Variants in DISP1 observed in about 807,000 individuals in gnomAD.
The protein encoded by DISP1 is dispatched RND transporter family member 1.
DISP1 carries 30 observed loss-of-function variants against 37.3 expected under a neutral mutation model. The observed-to-expected ratio is 0.80, with a 90% CI of 0.60 to 1.09. DISP1 has a LOEUF of 1.09. DISP1 is among the 50% of genes least tolerant of loss of function. The probability of loss-of-function intolerance (pLI) is 0.00; values close to 1 mark genes in which losing one functional copy is unlikely to be tolerated. For missense variants in DISP1, 1,598 were observed against 1,879.5 expected (o/e 0.85, Z 2.77); for synonymous variants, 634 against 690.2 (o/e 0.92, Z 1.28).
intron 8 of DISP1, 69 bp downstream of exon 8, chr1:222,995,051 C>T: frequency 7.9e-7 from 1 of 1,268,704 alleles, no homozygotes; most frequent in Non-Finnish European, 1.1e-6. Context: ...CCTTTTACTG[C>T]TGACCCTGGT....
intron 2 of DISP1, among the ~76,000 whole-genome samples, chr1:222,933,904 A>G (rs1673554729): frequency 6.6e-6 from 1 of 152,030 alleles, no homozygotes; most frequent in Admixed American, 6.6e-5. Flanking sequence ...TCACAATTAC[A>G]TTATTCTTAA....
intron 3 of DISP1, among the ~76,000 whole-genome samples, chr1:222,974,141 T>C (rs1332014106): frequency 1.3e-5 from 2 of 152,228 alleles, no homozygotes; most frequent in African/African-American, 4.8e-5. Flanking sequence ...TTTGCATTAC[T>C]CCTAACTGAT....
intron 1 of DISP1, among the ~76,000 whole-genome samples, chr1:222,869,814 G>C (rs1305814375): frequency 6.6e-6 from 1 of 151,818 alleles, no homozygotes; most frequent in Non-Finnish European, 1.5e-5. Context: ...TATACTTTAA[G>C]TTTTAGGGTA....
chr1:222,994,687 G>A (rs564454589), intron 7 of DISP1, among the ~76,000 whole-genome samples, 198 bp from the exon 8 acceptor site: 7 of 151,808 alleles, frequency 4.6e-5, no homozygotes, highest in South Asian at 2.1e-4. Context: ...AAGGCTTTGC[G>A]CTAAGACAAT....
chr1:222,821,965 G>A (rs1437865186), intron 1 of DISP1, among the ~76,000 whole-genome samples: 1 of 151,314 alleles, frequency 6.6e-6, no homozygotes, highest in Non-Finnish European at 1.5e-5. Flanking sequence ...AACATGCCTT[G>A]GTTCCCCTTC....
chr1:222,957,246 G>T (rs2102571537), intron 3 of DISP1, among the ~76,000 whole-genome samples: 1 of 150,700 alleles, frequency 6.6e-6, no homozygotes, highest in African/African-American at 2.4e-5. Flanking sequence ...CTTTAATACT[G>T]CTCTTTTCTT....
chr1:222,863,085 A>C (rs1668976407), intron 1 of DISP1, among the ~76,000 whole-genome samples: 1 of 152,220 alleles, frequency 6.6e-6, no homozygotes, highest in Non-Finnish European at 1.5e-5. Context: ...AAACCACAGA[A>C]GAGATGCTGT....
chr1:222,834,771 T>C (rs17535004), intron 1 of DISP1, among the ~76,000 whole-genome samples: 16,510 of 152,234 alleles, frequency 0.11, 1,263 homozygotes, highest in South Asian at 0.16. Context: ...ATTATTTGAC[T>C]CATCCAGGCT....
intron 3 of DISP1, among the ~76,000 whole-genome samples, chr1:222,978,564 C>A (rs2102679936): frequency 6.6e-6 from 1 of 152,260 alleles, no homozygotes; most frequent in South Asian, 2.1e-4. Context: ...GTTGCCATTG[C>A]TTTTGGTGTT....
At position 222,990,749 on chromosome 1, in the gene DISP1, G is replaced by A; in HGVS notation, c.663+1G>A. ...CCCTGACTTCTCTGATCCATTGCTG[G>A]TAACTAACTTTTATGTTTTCTTTAG... On this transcript the variant is annotated splice_donor_variant, in intron 5 of 8. Transcript: ENST00000675850. LOFTEE classifies it high-confidence loss of function. 1.2e-6 allele frequency: 2 copies of A among 1,613,906 alleles called. No individual in the cohort carries two copies. Among genetic ancestry groups the A allele is most frequent in the Non-Finnish European group, 8.5e-7 (1 of 1,179,904 alleles).
intron 1 of DISP1, among the ~76,000 whole-genome samples, chr1:222,858,595 A>G (rs1202648911): frequency 2.0e-5 from 3 of 152,236 alleles, no homozygotes; most frequent in Admixed American, 2.0e-4. Context: ...ATAAAGGTCT[A>G]ATATCCAGAA....
Position 222,943,253 on chromosome 1 carries a change from T to G in DISP1, c.430T>G (p.Ser144Ala). 1 of 1,613,910 alleles carries G rather than the reference T, an allele frequency of 6.2e-7. No individual in the cohort carries two copies. Among genetic ancestry groups the G allele is most frequent in the Non-Finnish European group, 8.5e-7 (1 of 1,179,852 alleles). Residue 144 changes from serine (S) to alanine (A), a missense_variant, in exon 3 of 9, where the codon TCT becomes GCT. Physicochemically the swap from Ser to Ala is moderately conservative, Grantham distance 99. Transcript: ENST00000675850. Reference sequence around the variant, plus strand: ...TCAGACTACGTGCTGTCTTCAGCCCTCTCCATCCTTCTGCCTGCATCATCC... The same window carrying G: ...TCAGACTACGTGCTGTCTTCAGCCCGCTCCATCCTTCTGCCTGCATCATCC... ...VYQTTCCLQPSPSFCLHHPWP... is the reference protein window; with the variant it reads ...VYQTTCCLQPAPSFCLHHPWP...
intron 1 of DISP1, among the ~76,000 whole-genome samples, chr1:222,853,660 G>A (rs1668394021): frequency 6.6e-6 from 1 of 152,050 alleles, no homozygotes; most frequent in South Asian, 2.1e-4. Flanking sequence ...AACACTGCAT[G>A]TTCTCACTCA....
intron 3 of DISP1, among the ~76,000 whole-genome samples, chr1:222,944,284 G>A (rs1558346602): frequency 6.6e-6 from 1 of 152,100 alleles, no homozygotes; most frequent in Non-Finnish European, 1.5e-5. Context: ...CATTGCCAGT[G>A]CTTATTTCCA....
chr1:222,868,392 T>C (rs536980705), intron 1 of DISP1, among the ~76,000 whole-genome samples: 1 of 152,200 alleles, frequency 6.6e-6, no homozygotes, highest in Non-Finnish European at 1.5e-5. Context: ...TGTTTATAGA[T>C]ATAATATTTG....
chr1:222,828,432 A>G (rs1214309248), intron 1 of DISP1, among the ~76,000 whole-genome samples: 2 of 152,206 alleles, frequency 1.3e-5, no homozygotes, highest in African/African-American at 2.4e-5. Flanking sequence ...TCTGATAAGA[A>G]CTATTTTTAT....
At chr1:222,990,520 T>C (rs1678622395) in intron 4 of DISP1, 105 bp from the exon 5 acceptor site, 1 of 1,550,252 alleles carries the variant, frequency 6.5e-7, no homozygotes, top group Non-Finnish European at 8.9e-7. Context: ...AATAAATTGC[T>C]GTCTTAGGTA....
At chr1:222,979,063 C>G (rs1053105145) in intron 3 of DISP1, among the ~76,000 whole-genome samples, 5 of 152,074 alleles carry the variant, frequency 3.3e-5, no homozygotes, top group Admixed American at 6.5e-5. Context: ...TGAAGAAAGT[C>G]ATTGGTAGCT....
chr1:222,990,563 GC>G, intron 4 of DISP1, 61 bp from the exon 5 acceptor site: 1 of 1,612,690 alleles, frequency 6.2e-7, no homozygotes, highest in Non-Finnish European at 8.5e-7. Flanking sequence ...CCTTCTTTGT[GC>G]CTTCTTTGTG....
Sources: gnomAD v4.1 joint callset for allele counts (sites outside exome capture counted in the v4.1 genomes callset) on GRCh38, gnomAD v4.1.1 for gene constraint, MANE v1.5 for transcripts, NCBI Gene and HGNC (gene_info 2026-07-23, HGNC 2026-07-21) for gene names.